RASA4B: variants seen among roughly 807,000 people sequenced by gnomAD.
RASA4B encodes RAS p21 protein activator 4B, also known as ras GTPase-activating protein 4B.
RASA4B carries 2 observed loss-of-function variants against 24.2 expected under a neutral mutation model. The ratio of observed to expected loss-of-function variants is 0.08; its 90% CI spans 0.03 to 0.26. The LOEUF (loss-of-function observed/expected upper bound fraction) is 0.26, where lower values mean the gene tolerates loss of function less well. Ranked by LOEUF, RASA4B falls within the 10% of genes least tolerant of loss-of-function variation. The pLI is 1.00. For missense variants in RASA4B, 8 were observed against 277.2 expected (o/e 0.03, Z 6.90); for synonymous variants, 2 against 125.6 (o/e 0.02, Z 6.58).
At chr7:102,512,574 G>A (rs374229027) in intron 1 of RASA4B, among the ~76,000 whole-genome samples, 5 of 1,932 alleles carry the variant, frequency 2.6e-3, no homozygotes, top group East Asian at 0.031. Flanking sequence ...GGGAGGGGGA[G>A]AGAGGGAGAA....
chr7:102,496,075 G>A, intron 11 of RASA4B, 65 bp downstream of exon 11: 1 of 1,611,162 alleles, frequency 6.2e-7, no homozygotes, highest in South Asian at 1.1e-5. Flanking sequence ...AGCCCCCTCT[G>A]TCGCTCTCTC....
At chr7:102,504,679 CAA>C (rs371687112) in intron 5 of RASA4B, among the ~76,000 whole-genome samples, 54 of 96,468 alleles carry the variant, frequency 5.6e-4, no homozygotes, top group African/African-American at 1.9e-3. Context: ...CAGACTGCCT[CAA>C]AAAAAAAAAA....
chr7:102,495,724 G>C (rs555558604), intron 11 of RASA4B, among the ~76,000 whole-genome samples: 4 of 52,948 alleles, frequency 7.6e-5, no homozygotes, highest in South Asian at 1.3e-3. Flanking sequence ...GGGGGGGGGG[G>C]GGTGCGGGGC....
At chr7:102,492,000 G>C (rs1469862217) in intron 16 of RASA4B, among the ~76,000 whole-genome samples, 3 of 22,536 alleles carry the variant, frequency 1.3e-4, no homozygotes, top group African/African-American at 2.6e-4. Flanking sequence ...CGTGCCTGTA[G>C]TCCCAGCTAC....
chr7:102,512,708 TGA>T (rs1326964798), intron 1 of RASA4B, among the ~76,000 whole-genome samples: 29 of 49,712 alleles, frequency 5.8e-4, no homozygotes, highest in African/African-American at 1.4e-3. Context: ...ACTGAGGGGG[TGA>T]GAGAGGGGGG....
chr7:102,492,881 G>T (rs1799007520), intron 16 of RASA4B, among the ~76,000 whole-genome samples: 1 of 146,794 alleles, frequency 6.8e-6, no homozygotes, highest in Non-Finnish European at 1.5e-5. Context: ...GGCCAGGCTG[G>T]TCTCAAACTC....
intron 16 of RASA4B, among the ~76,000 whole-genome samples, chr7:102,492,667 ATTT>A (rs66464003): frequency 7.8e-6 from 1 of 128,112 alleles, no homozygotes; most frequent in Non-Finnish European, 1.7e-5. Context: ...CTCCATATTC[ATTT>A]TTTTTTTTTT....
chr7:102,502,709 G>C (rs1196693215), intron 6 of RASA4B, among the ~76,000 whole-genome samples: 1 of 127,788 alleles, frequency 7.8e-6, no homozygotes, highest in Non-Finnish European at 1.9e-5. Context: ...GCAGTGAGCT[G>C]AGATCCAGCC....
rs1053538207 is a variant in RASA4B at position 102,480,058 on chromosome 7, G to A, written c.*3534C>T. Reference sequence around the variant, plus strand: ...CCTAGGAAACACCAGGCCATACAGAGATAGGAGCTGAGGGGACAATGAGGA... The same window carrying A: ...CCTAGGAAACACCAGGCCATACAGAAATAGGAGCTGAGGGGACAATGAGGA... On this transcript the variant is annotated 3_prime_UTR_variant, in exon 21 of 21. Coordinates refer to ENST00000465829, the MANE Select transcript of RASA4B (RefSeq NM_001367767.2). Among the ~76,000 whole-genome samples the A allele has an allele frequency of 6.6e-6, 1 of 152,050 alleles. No individual in the cohort carries two copies. The highest frequency in any genetic ancestry group is 1.5e-5 in the Non-Finnish European group (1 of 68,034).
Position 102,480,001 on chromosome 7 carries a change from A to G in RASA4B, c.*3591T>C, listed in dbSNP as rs369357059. Among the ~76,000 whole-genome samples, 1,370 of 152,270 alleles carry G rather than the reference A, an allele frequency of 9.0e-3. 3 individuals carry two copies. Among genetic ancestry groups the G allele is most frequent in the Non-Finnish European group, 0.014 (960 of 68,012 alleles). On this transcript the variant is annotated 3_prime_UTR_variant, in exon 21 of 21. Coordinates refer to ENST00000465829, the MANE Select transcript of RASA4B (RefSeq NM_001367767.2). Reference sequence around the variant, plus strand: ...TTTGTAGTAATTATTCTTTATTCCAATATTATAATAATCCTCGCTCTACAA... The same window carrying G: ...TTTGTAGTAATTATTCTTTATTCCAGTATTATAATAATCCTCGCTCTACAA...
chr7:102,481,176 C>G lies in RASA4B; in HGVS notation c.*2416G>C, dbSNP rs1411322224. Among the ~76,000 whole-genome samples, 5 of 92,476 alleles carry G rather than the reference C, an allele frequency of 5.4e-5. No homozygotes were observed. Among genetic ancestry groups the G allele is most frequent in the African/African-American group, 1.3e-4 (4 of 31,362 alleles). 60.7% of individuals were successfully genotyped at this position (92,476 alleles called of 152,430 possible). Reference sequence around the variant, plus strand: ...CATTCACAATGTGTAGCCATCACCACTATTTAGTTCAAAAATTTCAAGTCT... The same window carrying G: ...CATTCACAATGTGTAGCCATCACCAGTATTTAGTTCAAAAATTTCAAGTCT... On this transcript the variant is annotated 3_prime_UTR_variant, in exon 21 of 21. Transcript: ENST00000465829.
At chr7:102,504,777 A>C (rs1277624424) in intron 5 of RASA4B, among the ~76,000 whole-genome samples, 14 of 146,414 alleles carry the variant, frequency 9.6e-5, no homozygotes, top group African/African-American at 3.6e-4. Flanking sequence ...AGGCAGGCAG[A>C]TCACCTGAGG....
At chr7:102,487,096 C>A (rs1226126833) in intron 18 of RASA4B, among the ~76,000 whole-genome samples, 2 of 33,456 alleles carry the variant, frequency 6.0e-5, no homozygotes, top group African/African-American at 1.2e-4. Context: ...CAAGACCAGC[C>A]TGAACAACAT....
chr7:102,499,193 A>AAT (rs772277888), intron 8 of RASA4B, among the ~76,000 whole-genome samples: 7,137 of 99,746 alleles, frequency 0.072, 183 homozygotes, highest in African/African-American at 0.13. Context: ...TCAAAAAAAA[A>AAT]ATATATATAT....
chr7:102,497,167 C>A, intron 8 of RASA4B, among the ~76,000 whole-genome samples: 1 of 149,916 alleles, frequency 6.7e-6, no homozygotes, highest in Non-Finnish European at 1.5e-5. Flanking sequence ...CTTCCTGTCT[C>A]TGCACTCAAG....
intron 5 of RASA4B, among the ~76,000 whole-genome samples, chr7:102,503,739 C>T (rs1799385952): frequency 3.4e-5 from 1 of 29,358 alleles, no homozygotes; most frequent in Non-Finnish European, 1.0e-4. Context: ...CCCTGATGGG[C>T]GGCCCTGCCC....
intron 8 of RASA4B, among the ~76,000 whole-genome samples, chr7:102,500,260 C>A: frequency 1.2e-5 from 1 of 83,212 alleles, no homozygotes; most frequent in Non-Finnish European, 2.6e-5. Flanking sequence ...ATCACAAGGT[C>A]AGGAGATCGA....
intron 5 of RASA4B, among the ~76,000 whole-genome samples, chr7:102,504,143 CT>C (rs1328960178): frequency 3.3e-4 from 50 of 151,592 alleles, no homozygotes; most frequent in African/African-American, 1.2e-3. Context: ...GGGTCTTGCT[CT>C]GTTGCTCAGG....
At chr7:102,498,592 G>A (rs930609682) in intron 8 of RASA4B, among the ~76,000 whole-genome samples, 3 of 136,728 alleles carry the variant, frequency 2.2e-5, no homozygotes, top group South Asian at 2.3e-4. Flanking sequence ...TCTTGTCACC[G>A]AGGCTGGAGT....
Sources: allele counts gnomAD v4.1 joint callset (sites outside exome capture counted in the v4.1 genomes callset), GRCh38; gene constraint gnomAD v4.1.1; transcripts MANE v1.5; gene names NCBI Gene and HGNC (gene_info 2026-07-23, HGNC 2026-07-21).